Variants in CFAP221 observed in about 807,000 individuals in gnomAD.
CFAP221 encodes the protein cilia and flagella associated protein 221.
A neutral mutation model predicts 113.1 loss-of-function variants in CFAP221; 97 were observed. That is an observed-to-expected ratio of 0.86 (90% CI 0.73 to 1.02). The LOEUF (loss-of-function observed/expected upper bound fraction) is 1.02, where lower values mean the gene tolerates loss of function less well. CFAP221 is among the 50% of genes least tolerant of loss of function. The pLI is 0.00. For synonymous variants in CFAP221, 331 were observed against 354.4 expected (o/e 0.93, Z 0.74); for missense variants, 1,025 against 1,013.4 (o/e 1.01, Z -0.16).
In CFAP221 at chr2:119,620,627, CT is replaced by C. The variant is rs1685840640; in HGVS notation, c.1410+4919del. 8.5e-5 allele frequency among the ~76,000 whole-genome samples: 13 copies of C among 152,228 alleles called. No homozygotes were observed. The South Asian group carries it at 2.7e-3, about 32-fold the overall frequency. ...GGAAAGGAAAATCCGGTAACAGCCA[CT>C]GCAAAAAACATACCAAATTGTAAAG... On this transcript the variant is annotated intron_variant, in intron 14 of 23. Coordinates refer to ENST00000413369, the MANE Select transcript of CFAP221 (RefSeq NM_001271049.2).
intron 7 of CFAP221, among the ~76,000 whole-genome samples, chr2:119,591,094 A>C (rs1478337962): frequency 6.6e-6 from 1 of 152,212 alleles, no homozygotes. Context: ...AATTAGTGAG[A>C]TAACCGGCAG....
intron 3 of CFAP221, among the ~76,000 whole-genome samples, chr2:119,558,830 AAAAC>A (rs1237317667): frequency 5.3e-5 from 8 of 152,104 alleles, no homozygotes; most frequent in African/African-American, 1.9e-4. Flanking sequence ...TCAAAAATAA[AAAAC>A]AAAAAACCAA....
chr2:119,615,550 A>T, intron 13 of CFAP221, 61 bp from the exon 14 acceptor site: 2 of 1,185,928 alleles, frequency 1.7e-6, no homozygotes, highest in Non-Finnish European at 2.4e-6. Context: ...TGTTTTTATT[A>T]GATGTTTATG....
intron 21 of CFAP221, among the ~76,000 whole-genome samples, chr2:119,644,355 T>C (rs550485754): frequency 9.2e-5 from 14 of 152,176 alleles, no homozygotes; most frequent in Non-Finnish European, 1.9e-4. Flanking sequence ...TGCCATTCCA[T>C]TGTGCTAGAC....
At chr2:119,645,401 T>A (rs555295250) in intron 21 of CFAP221, among the ~76,000 whole-genome samples, 4 of 151,848 alleles carry the variant, frequency 2.6e-5, no homozygotes, top group Admixed American at 2.6e-4. Context: ...TGTGTTTCTC[T>A]TTATAATGGT....
intron 3 of CFAP221, among the ~76,000 whole-genome samples, chr2:119,558,246 C>T (rs189404831): frequency 1.6e-4 from 24 of 152,230 alleles, no homozygotes; most frequent in Admixed American, 1.3e-3. Flanking sequence ...CATCCTCAGG[C>T]GGGCCCTGTC....
At chr2:119,644,291 G>A (rs1032526336) in intron 21 of CFAP221, among the ~76,000 whole-genome samples, 2 of 152,138 alleles carry the variant, frequency 1.3e-5, no homozygotes, top group African/African-American at 2.4e-5. Flanking sequence ...AGAGGAACTG[G>A]TCTCAGAATT....
chr2:119,610,391 G>A (rs1165739242), intron 12 of CFAP221, among the ~76,000 whole-genome samples: 1 of 152,152 alleles, frequency 6.6e-6, no homozygotes, highest in African/African-American at 2.4e-5. Flanking sequence ...AAATGGTGGG[G>A]GAAGGAAGGA....
chr2:119,571,345 G>A (rs1682039961), intron 6 of CFAP221, among the ~76,000 whole-genome samples: 1 of 151,760 alleles, frequency 6.6e-6, no homozygotes, highest in Non-Finnish European at 1.5e-5. Context: ...TCGCCCTGTT[G>A]GTCAGTCTGG....
chr2:119,589,231 A>G lies in CFAP221; in HGVS notation c.631+2009A>G, dbSNP rs907053954. On this transcript the variant is annotated intron_variant, in intron 7 of 23. Transcript: ENST00000413369. ...GTTCTTGGTTTGGTTTCCCACTTTG[A>G]TGGTGTATCAGTACATTGTTGGCTG... 2.0e-5 allele frequency among the ~76,000 whole-genome samples: 3 copies of G among 152,244 alleles called. 1 individual carries two copies. Among genetic ancestry groups the G allele is most frequent in the Admixed American group, 2.0e-4 (3 of 15,300 alleles).
intron 6 of CFAP221, among the ~76,000 whole-genome samples, chr2:119,567,400 A>T (rs1254388254): frequency 6.6e-6 from 1 of 152,106 alleles, no homozygotes; most frequent in Non-Finnish European, 1.5e-5. Context: ...GGGTGCTTTC[A>T]CTTAAAATAT....
At chr2:119,633,979 A>C (rs998252485) in intron 19 of CFAP221, among the ~76,000 whole-genome samples, 1 of 152,244 alleles carries the variant, frequency 6.6e-6, no homozygotes, top group Non-Finnish European at 1.5e-5. Context: ...GTGGTGGCAC[A>C]TGCCTATAGT....
intron 12 of CFAP221, among the ~76,000 whole-genome samples, chr2:119,610,581 G>T (rs1685081946): frequency 6.6e-6 from 1 of 152,070 alleles, no homozygotes; most frequent in Non-Finnish European, 1.5e-5. Context: ...GCTGGTGGGG[G>T]TCTGGGTCTC....
intron 7 of CFAP221, among the ~76,000 whole-genome samples, chr2:119,592,853 G>A (rs1056530787): frequency 1.3e-5 from 2 of 152,232 alleles, no homozygotes; most frequent in African/African-American, 4.8e-5. Flanking sequence ...GCTGGGCTGA[G>A]TTGTTCCCCA....
intron 19 of CFAP221, among the ~76,000 whole-genome samples, chr2:119,637,820 C>A (rs768898116): frequency 2.6e-5 from 4 of 152,168 alleles, no homozygotes; most frequent in Non-Finnish European, 5.9e-5. Context: ...CGAATGTCAT[C>A]CTCTTTTTTG....
intron 6 of CFAP221, among the ~76,000 whole-genome samples, chr2:119,571,723 G>T (rs1251869356): frequency 6.6e-6 from 1 of 152,166 alleles, no homozygotes; most frequent in South Asian, 2.1e-4. Context: ...CTCCCAAAGT[G>T]CTGGGATTAC....
intron 16 of CFAP221, among the ~76,000 whole-genome samples, chr2:119,629,115 A>T (rs1408541037): frequency 1.3e-5 from 2 of 152,186 alleles, no homozygotes; most frequent in Non-Finnish European, 2.9e-5. Context: ...TAGCATCTCA[A>T]AATTGGGAAA....
chr2:119,646,116 G>A (rs1313498248), intron 21 of CFAP221, among the ~76,000 whole-genome samples: 1 of 151,982 alleles, frequency 6.6e-6, no homozygotes, highest in African/African-American at 2.4e-5. Flanking sequence ...AAGCTCTAAA[G>A]TTATAATACT....
intron 3 of CFAP221, 132 bp downstream of exon 3, chr2:119,549,317 A>T: frequency 2.9e-6 from 2 of 687,098 alleles, no homozygotes; most frequent in Non-Finnish European, 4.6e-6. Context: ...CCAGAAAGGT[A>T]GTTCTATGAT....
Sources: gnomAD v4.1 joint callset for allele counts (sites outside exome capture counted in the v4.1 genomes callset) on GRCh38, gnomAD v4.1.1 for gene constraint, MANE v1.5 for transcripts, NCBI Gene and HGNC (gene_info 2026-07-23, HGNC 2026-07-21) for gene names.